The following ZNF827 variants were observed in gnomAD, a reference collection of about 807,000 sequenced individuals.
The protein encoded by ZNF827 is zinc finger protein 827.
In ZNF827, 13 loss-of-function variants were observed where a neutral mutation model predicts 102.4. That is an observed-to-expected ratio of 0.13 (90% confidence interval 0.08 to 0.20). ZNF827 has a LOEUF of 0.20. ZNF827 is among the 10% of genes least tolerant of loss of function. ZNF827 has a pLI of 1.00. For synonymous variants in ZNF827, 523 were observed against 536.2 expected, an observed-to-expected ratio of 0.98 and a Z score of 0.34; for missense variants, 1,103 against 1,344.4, an observed-to-expected ratio of 0.82 and a Z score of 2.81.
intron 8 of ZNF827, among the ~76,000 whole-genome samples, chr4:145,788,851 A>G (rs1333227058): frequency 6.6e-6 from 1 of 152,174 alleles, no homozygotes; most frequent in Non-Finnish European, 1.5e-5. Context: ...AGGCCTGAAA[A>G]TCATGTCTTT....
intron 4 of ZNF827, among the ~76,000 whole-genome samples, chr4:145,872,949 T>C (rs539672405): frequency 4.7e-4 from 69 of 146,864 alleles, no homozygotes; most frequent in African/African-American, 1.6e-3. Context: ...TCTTTTCTTT[T>C]TTTTTTTTTT....
At chr4:145,877,267 A>G (rs1416623595) in intron 4 of ZNF827, among the ~76,000 whole-genome samples, 8 of 152,244 alleles carry the variant, frequency 5.3e-5, no homozygotes, top group Admixed American at 2.6e-4. Flanking sequence ...GTTCTATCCA[A>G]CCAAGTTCCC....
At position 145,880,762 on chromosome 4, in the gene ZNF827, G is replaced by A. The variant is rs189506326; in HGVS notation, c.1747+4916C>T. Among the ~76,000 whole-genome samples, 1,319 of 152,344 alleles carry A rather than the reference G, an allele frequency of 8.7e-3. 7 individuals are homozygous for A. Among genetic ancestry groups the A allele is most frequent in the Non-Finnish European group, 0.012 (801 of 68,032 alleles). ...CCAGAAAAGCAAGGCAGGGTTAAAA[G>A]GAAGGGCTAAACTAAAAATGCAAAG... is the stretch of plus-strand genomic sequence containing the variant. On this transcript the variant is annotated intron_variant, in intron 4 of 14. Transcript: ENST00000508784.
intron 1 of ZNF827, among the ~76,000 whole-genome samples, chr4:145,912,739 G>C (rs1235994011): frequency 6.6e-6 from 1 of 152,216 alleles, no homozygotes; most frequent in Admixed American, 6.5e-5. Flanking sequence ...AGCTGGGCGA[G>C]AGGTCTGGAA....
At chr4:145,803,573 A>ATT (rs1257872232) in intron 8 of ZNF827, among the ~76,000 whole-genome samples, 1 of 152,234 alleles carries the variant, frequency 6.6e-6, no homozygotes, top group African/African-American at 2.4e-5. Flanking sequence ...CAGAGCTAAT[A>ATT]TTATCATCTT....
At chr4:145,833,684 CCAA>C (rs1327439203) in intron 7 of ZNF827, among the ~76,000 whole-genome samples, 1 of 152,014 alleles carries the variant, frequency 6.6e-6, no homozygotes, top group Non-Finnish European at 1.5e-5. Context: ...TTTACGCACC[CCAA>C]CCTCGTATCT....
chr4:145,812,131 GGTCA>G, intron 8 of ZNF827, among the ~76,000 whole-genome samples: 1 of 150,678 alleles, frequency 6.6e-6, no homozygotes. Context: ...CCACCATGTT[GGTCA>G]GGCTGGTCTT....
chr4:145,836,408 CTTTAATACT>C (rs1443879591), intron 7 of ZNF827, among the ~76,000 whole-genome samples: 1 of 152,180 alleles, frequency 6.6e-6, no homozygotes, highest in African/African-American at 2.4e-5. Context: ...GCTGCTGCTG[CTTTAATACT>C]TTTAGAGGCC....
chr4:145,918,557 T>C (rs942265265), intron 1 of ZNF827, among the ~76,000 whole-genome samples: 1 of 151,384 alleles, frequency 6.6e-6, no homozygotes, highest in African/African-American at 2.4e-5. Context: ...TTCATCATCA[T>C]CTTTTTAATC....
At chr4:145,914,143 T>A (rs115427441) in intron 1 of ZNF827, among the ~76,000 whole-genome samples, 2,114 of 152,142 alleles carry the variant, frequency 0.014, 48 homozygotes, top group African/African-American at 0.045. Context: ...GTCATCATCA[T>A]TCTGTCTGCC....
intron 1 of ZNF827, among the ~76,000 whole-genome samples, chr4:145,903,963 T>C (rs752185090): frequency 3.3e-5 from 5 of 152,160 alleles, no homozygotes; most frequent in East Asian, 1.9e-4. Flanking sequence ...ACTCCAGTCA[T>C]CAACATGCTT....
chr4:145,900,852 T>C lies in ZNF827; in HGVS notation c.1093+1314A>G, dbSNP rs138261508. On this transcript the variant is annotated intron_variant, in intron 2 of 14. Transcript: ENST00000508784. The stretch of plus-strand genomic sequence containing the variant: ...TCTCCTTGTTTCCTAATTTTACCCA[T>C]TTCTCTCCTTATTTCACCAGATGGC... Among the ~76,000 whole-genome samples, 68 of 152,262 alleles carry C rather than the reference T, an allele frequency of 4.5e-4. No homozygotes were observed. In the East Asian group the frequency reaches 9.6e-3, roughly 22 times the overall value.
chr4:145,872,009 C>T (rs184083855), intron 4 of ZNF827, among the ~76,000 whole-genome samples: 1 of 152,276 alleles, frequency 6.6e-6, no homozygotes, highest in Admixed American at 6.5e-5. Flanking sequence ...ACCTTCCAAT[C>T]GGCTCAAATA....
At chr4:145,840,603 GCT>G (rs1177351994) in intron 7 of ZNF827, among the ~76,000 whole-genome samples, 3 of 152,138 alleles carry the variant, frequency 2.0e-5, no homozygotes, top group East Asian at 3.8e-4. Context: ...AATTTCATTT[GCT>G]CTGTTTCTGG....
intron 1 of ZNF827, chr4:145,907,062 G>T (rs1423544179): frequency 4.4e-6 from 2 of 456,646 alleles, no homozygotes; most frequent in African/African-American, 4.0e-5. Flanking sequence ...GGCAATACCT[G>T]AGGTTAAATA....
At chr4:145,792,758 G>A (rs1739892736) in intron 8 of ZNF827, among the ~76,000 whole-genome samples, 1 of 152,048 alleles carries the variant, frequency 6.6e-6, no homozygotes, top group Non-Finnish European at 1.5e-5. Flanking sequence ...AGCAAAAGAA[G>A]TACCTGTATT....
chr4:145,829,250 T>C (rs933185198), intron 7 of ZNF827, among the ~76,000 whole-genome samples: 2 of 152,194 alleles, frequency 1.3e-5, no homozygotes, highest in African/African-American at 4.8e-5. Flanking sequence ...TGCACTGTAA[T>C]GAGTTTTTAC....
chr4:145,786,930 C>T (rs990059556), intron 8 of ZNF827, among the ~76,000 whole-genome samples: 2 of 152,202 alleles, frequency 1.3e-5, no homozygotes, highest in Non-Finnish European at 2.9e-5. Context: ...ACAGCAGCCA[C>T]AATGCAGATG....
chr4:145,826,227 C>T (rs1476594282), intron 7 of ZNF827, among the ~76,000 whole-genome samples: 2 of 152,186 alleles, frequency 1.3e-5, no homozygotes, highest in Admixed American at 1.3e-4. Flanking sequence ...CAATCAATAA[C>T]CCCTCTAGCC....
Sources: allele counts gnomAD v4.1 joint callset (sites outside exome capture counted in the v4.1 genomes callset), GRCh38; gene constraint gnomAD v4.1.1; transcripts MANE v1.5; gene names NCBI Gene and HGNC (gene_info 2026-07-23, HGNC 2026-07-21).